Variants in OTOG observed in about 807,000 individuals in gnomAD.
OTOG encodes the protein otogelin.
Under a neutral mutation model 313.8 loss-of-function variants are expected in OTOG, and 296 were observed. That is an observed-to-expected ratio of 0.94 (90% CI 0.86 to 1.04). The LOEUF (loss-of-function observed/expected upper bound fraction) is 1.04, where lower values mean the gene tolerates loss of function less well. OTOG is among the 50% of genes least tolerant of loss of function. The pLI is 0.00. For synonymous variants in OTOG, 1,533 were observed against 1,554.9 expected, an observed-to-expected ratio of 0.99 and a Z score of 0.33; for missense variants, 3,948 against 3,840.1, an observed-to-expected ratio of 1.03 and a Z score of -0.74.
At chr11:17,583,582 C>T (rs1164703363) in intron 23 of OTOG, among the ~76,000 whole-genome samples, 1 of 152,160 alleles carries the variant, frequency 6.6e-6, no homozygotes, top group African/African-American at 2.4e-5. Context: ...ACACTTTCTT[C>T]TCCCCATGTA....
chr11:17,579,262 T>A (rs7122124), intron 23 of OTOG, among the ~76,000 whole-genome samples: 70,740 of 152,102 alleles, frequency 0.47, 17,243 homozygotes, highest in African/African-American at 0.61. Context: ...CGTGAAAGCC[T>A]AGGGAAATGA....
chr11:17,608,490 A>ATG, intron 34 of OTOG, 77 bp downstream of exon 34: 3 of 1,006,398 alleles, frequency 3.0e-6, no homozygotes, highest in Non-Finnish European at 4.2e-6. Context: ...ACACTTGTGT[A>ATG]TGAGTGTTTC....
rs989720036 is a variant in OTOG at position 17,640,948 on chromosome 11, G to A, written c.8047G>A (p.Val2683Met). ...APVCLSRELG[V>M]MQPGQTVVEL... ...GGTGTGTCTGAGCCGCGAGCTGGGT[G>A]TGATGCAGCCCGGCCAGACAGTGGT... The change falls in exon 51 of 56, where the codon GTG becomes ATG. Residue 2683 changes from valine to methionine, a missense_variant. Val to Met is a conservative substitution (Grantham distance 21). Coordinates refer to ENST00000399397, the MANE Select transcript of OTOG (RefSeq NM_001292063.2). The A allele has an allele frequency of 3.8e-5, 59 of 1,548,226 alleles. No homozygotes were observed. The Middle Eastern group carries it at 5.0e-4, about 13-fold the overall frequency.
At chr11:17,548,778 C>T (rs1851868797) in intron 3 of OTOG, among the ~76,000 whole-genome samples, 2 of 151,974 alleles carry the variant, frequency 1.3e-5, no homozygotes, top group South Asian at 4.1e-4. Flanking sequence ...AGTGCAGTCG[C>T]ATAATCATAG....
intron 39 of OTOG, among the ~76,000 whole-genome samples, chr11:17,615,319 A>G (rs114586799): frequency 0.024 from 3,685 of 152,268 alleles, 150 homozygotes; most frequent in African/African-American, 0.083. Context: ...TTCACCTACT[A>G]GTGTCTTTCG....
intron 44 of OTOG, among the ~76,000 whole-genome samples, chr11:17,634,489 C>T (rs2133708387): frequency 1.3e-5 from 2 of 152,068 alleles, no homozygotes; most frequent in Non-Finnish European, 2.9e-5. Context: ...GCCAGGCAGC[C>T]TGGCCACTCT....
chr11:17,589,337 C>A (rs1852877656), intron 24 of OTOG, among the ~76,000 whole-genome samples: 1 of 151,994 alleles, frequency 6.6e-6, no homozygotes, highest in Admixed American at 6.6e-5. Flanking sequence ...ACACCTCCTC[C>A]CCTCTTATTC....
chr11:17,547,460 C>A lies in OTOG; in HGVS notation c.88C>A (p.Arg30Ser). 3 of 1,368,378 alleles carry A rather than the reference C, an allele frequency of 2.2e-6. No homozygotes were observed. Among genetic ancestry groups the A allele is most frequent in the South Asian group, 1.8e-5 (1 of 56,300 alleles). The allele number at this position is 1,368,378 out of a possible 1,614,324, so 84.8% of individuals were successfully genotyped here. Residue 30 changes from arginine (R) to serine (S), a missense_variant, in exon 1 of 56, where the codon CGC becomes AGC. By Grantham distance (110) the Arg-to-Ser change is moderately radical. Coordinates refer to ENST00000399397, the MANE Select transcript of OTOG (RefSeq NM_001292063.2). ...EQAAESLRVQ[R>S]LAAAPVLWGS... is the part of the protein sequence containing the mutation. ...GGCAGCCGAGTCCCTGCGGGTGCAG[C>A]GCCTCGGTGAGAGGGTTGTGGACTC...
chr11:17,602,432 A>G (rs1313201972), intron 32 of OTOG, 55 bp downstream of exon 32: 2 of 1,517,532 alleles, frequency 1.3e-6, no homozygotes, highest in Admixed American at 2.0e-5. Context: ...AGGGTGCTAG[A>G]GGAGGGGAGG....
chr11:17,640,889 T>C (rs1847955550), intron 50 of OTOG, 24 bp from the exon 51 acceptor site: 1 of 1,549,074 alleles, frequency 6.5e-7, no homozygotes, highest in Non-Finnish European at 8.7e-7. Context: ...TGGATGACTG[T>C]TGCCGCCCTG....
intron 39 of OTOG, among the ~76,000 whole-genome samples, chr11:17,623,137 TA>T (rs1210082117): frequency 2.0e-5 from 3 of 152,234 alleles, no homozygotes; most frequent in Non-Finnish European, 4.4e-5. Flanking sequence ...TTGGATGTCT[TA>T]TTTTTTATTT....
intron 40 of OTOG, among the ~76,000 whole-genome samples, chr11:17,630,356 G>A (rs1435701699): frequency 6.6e-6 from 1 of 152,116 alleles, no homozygotes; most frequent in Admixed American, 6.5e-5. Context: ...GTCAGCAGTA[G>A]CCTGGTGAGC....
intron 30 of OTOG, 148 bp downstream of exon 30, chr11:17,597,155 C>T: frequency 9.5e-7 from 1 of 1,047,840 alleles, no homozygotes; most frequent in Non-Finnish European, 1.3e-6. Context: ...TCATTGAATT[C>T]TTACAACTAC....
chr11:17,587,911 A>G (rs1255330766), intron 24 of OTOG, among the ~76,000 whole-genome samples: 1 of 152,118 alleles, frequency 6.6e-6, no homozygotes, highest in Non-Finnish European at 1.5e-5. Context: ...AGATGGATTC[A>G]CTTCCATCAC....
intron 32 of OTOG, among the ~76,000 whole-genome samples, chr11:17,604,376 C>G (rs79466394): frequency 3.3e-5 from 5 of 152,170 alleles, no homozygotes; most frequent in African/African-American, 7.2e-5. Context: ...CCTGAGGTCA[C>G]GCATCCAGTG....
intron 28 of OTOG, 32 bp downstream of exon 28, chr11:17,594,198 C>G: frequency 1.3e-6 from 2 of 1,550,446 alleles, no homozygotes; most frequent in Non-Finnish European, 8.7e-7. Context: ...GGCTTATGCC[C>G]CTCACTCAGA....
At chr11:17,612,559 C>T in intron 37 of OTOG, 61 bp from the exon 38 acceptor site, 1 of 1,501,860 alleles carries the variant, frequency 6.7e-7, no homozygotes, top group South Asian at 1.3e-5. Flanking sequence ...CCCCATCTTC[C>T]TAGGCGGCCT....
intron 42 of OTOG, among the ~76,000 whole-genome samples, chr11:17,632,811 G>A (rs1051391590): frequency 1.3e-5 from 2 of 152,132 alleles, no homozygotes; most frequent in African/African-American, 2.4e-5. Context: ...TGTCCAGAAA[G>A]GCTGGGATTG....
chr11:17,547,436 G>A lies in OTOG; in HGVS notation c.64G>A (p.Ala22Thr). Residue 22 changes from alanine to threonine, a missense_variant, in exon 1 of 56, where the codon GCA (alanine) becomes ACA (threonine). Transcript: ENST00000399397. Reference protein sequence around the residue: ...LCVWLPWGEQAAESLRVQRLA... With the variant: ...LCVWLPWGEQTAESLRVQRLA... ...TGTCTGGCTGCCCTGGGGTGAGCAG[G>A]CAGCCGAGTCCCTGCGGGTGCAGCG... 7.2e-7 allele frequency: 1 copy of A among 1,395,732 alleles called. No homozygotes were observed. Among genetic ancestry groups the A allele is most frequent in the Non-Finnish European group, 9.3e-7 (1 of 1,080,002 alleles). 86.5% of individuals were successfully genotyped at this position (1,395,732 alleles called of 1,614,324 possible).
Sources: gnomAD v4.1 joint callset for allele counts (sites outside exome capture counted in the v4.1 genomes callset) on GRCh38, gnomAD v4.1.1 for gene constraint, MANE v1.5 for transcripts, NCBI Gene and HGNC (gene_info 2026-07-23, HGNC 2026-07-21) for gene names.